TMPRSS11D: variants seen among roughly 807,000 people sequenced by gnomAD.
The protein encoded by TMPRSS11D is transmembrane protease serine 11D.
A neutral mutation model predicts 44.4 loss-of-function variants in TMPRSS11D; 32 were observed. The ratio of observed to expected loss-of-function variants is 0.72; its 90% CI spans 0.54 to 0.97. The LOEUF is 0.97. TMPRSS11D is among the 50% of genes least tolerant of loss of function. The probability of loss-of-function intolerance (pLI) is 0.00; values close to 1 mark genes in which losing one functional copy is unlikely to be tolerated. For missense variants in TMPRSS11D, 446 were observed against 502.6 expected (o/e 0.89, Z 1.08); for synonymous variants, 179 against 177.9 (o/e 1.01, Z -0.05).
intron 1 of TMPRSS11D, chr4:67,860,387 C>G (rs563163414): frequency 1.3e-5 from 2 of 152,084 alleles, no homozygotes; most frequent in South Asian, 2.1e-4. Context: ...CCAGTTTTAC[C>G]CTTTGTTTGC....
At position 67,833,370 on chromosome 4, in the gene TMPRSS11D, C is replaced by T. The variant is rs376245737; in HGVS notation, c.526G>A (p.Gly176Ser). ...TCAGACAATGTTATTAGGTCTGGACCGGCCCCACATTCTAATGAGAAAGGG... is the reference window on the plus strand; with the variant it reads ...TCAGACAATGTTATTAGGTCTGGACTGGCCCCACATTCTAATGAGAAAGGG... ...ANWLINECGA[G>S]PDLITLSEQR... The change falls in exon 7 of 10, where the codon GGT becomes AGT. Residue 176 changes from glycine (G) to serine (S), a missense_variant. Transcript: ENST00000283916. 159 of 1,517,708 alleles carry T rather than the reference C, an allele frequency of 1.0e-4. No homozygotes were observed. The highest frequency in any genetic ancestry group is 1.8e-4 in the Middle Eastern group (1 of 5,674). 94.0% of individuals were successfully genotyped at this position (1,517,708 alleles called of 1,614,324 possible).
chr4:67,827,743 G>A (rs761877094), intron 7 of TMPRSS11D, among the ~76,000 whole-genome samples: 1 of 152,062 alleles, frequency 6.6e-6, no homozygotes, highest in South Asian at 2.1e-4. Context: ...AAAACATATC[G>A]TGGGGTGATC....
intron 8 of TMPRSS11D, among the ~76,000 whole-genome samples, chr4:67,826,847 G>A (rs1654361868): frequency 6.6e-6 from 1 of 151,796 alleles, no homozygotes; most frequent in South Asian, 2.1e-4. Context: ...GATTTCTTAA[G>A]ACCAGAGTTT....
chr4:67,878,307 T>C (rs1325215820), intron 1 of TMPRSS11D, among the ~76,000 whole-genome samples: 1 of 152,238 alleles, frequency 6.6e-6, no homozygotes, highest in African/African-American at 2.4e-5. Flanking sequence ...TGTTAATCAC[T>C]GGAACAGTTG....
intron 4 of TMPRSS11D, among the ~76,000 whole-genome samples, chr4:67,839,251 A>G (rs1718175475): frequency 6.6e-6 from 1 of 152,148 alleles, no homozygotes; most frequent in Non-Finnish European, 1.5e-5. Context: ...AGCTGGGACT[A>G]AGATTCACAG....
intron 1 of TMPRSS11D, among the ~76,000 whole-genome samples, chr4:67,862,022 C>A (rs959333757): frequency 2.6e-5 from 4 of 152,096 alleles, no homozygotes; most frequent in African/African-American, 9.7e-5. Flanking sequence ...GCTTTTAAAG[C>A]AGGGTCTTGG....
chr4:67,850,180 T>C lies in TMPRSS11D; in HGVS notation c.249+3888A>G, dbSNP rs147844217. On this transcript the variant is annotated intron_variant, in intron 3 of 9. Coordinates refer to ENST00000283916, the MANE Select transcript of TMPRSS11D (RefSeq NM_004262.3). Reference sequence around the variant, plus strand: ...ACAGAAAAAAAGACAAAGAAGGATTTAGTGTATGATAAAGGTGACATGACA... The same window carrying C: ...ACAGAAAAAAAGACAAAGAAGGATTCAGTGTATGATAAAGGTGACATGACA... 3.1e-3 allele frequency among the ~76,000 whole-genome samples: 479 copies of C among 152,272 alleles called. 4 individuals are homozygous for C. The highest frequency in any genetic ancestry group is 0.011 in the African/African-American group (459 of 41,558).
Position 67,838,272 on chromosome 4 carries a change from A to C in TMPRSS11D, c.375T>G (p.Asn125Lys). 1 of 1,600,762 alleles carries C rather than the reference A, an allele frequency of 6.2e-7. No individual in the cohort carries two copies. Residue 125 changes from asparagine to lysine, a missense_variant, in exon 5 of 10, where the codon AAT becomes AAG. Coordinates refer to ENST00000283916, the MANE Select transcript of TMPRSS11D (RefSeq NM_004262.3). ...TGCTTTTCATTGATGCTCCATTGTTATTTCTAGTGAATTGAAATTTCATGA... is the reference window on the plus strand; with the variant it reads ...TGCTTTTCATTGATGCTCCATTGTTCTTTCTAGTGAATTGAAATTTCATGA... Reference protein sequence around the residue: ...DVVMKFQFTRNNNGASMKSRI... With the variant: ...DVVMKFQFTRKNNGASMKSRI...
chr4:67,874,069 TA>T (rs1398182907), intron 1 of TMPRSS11D, among the ~76,000 whole-genome samples: 1 of 152,180 alleles, frequency 6.6e-6, no homozygotes, highest in African/African-American at 2.4e-5. Context: ...CAGATATGTG[TA>T]GATACACAAA....
chr4:67,848,022 G>A (rs532712994), intron 3 of TMPRSS11D, among the ~76,000 whole-genome samples: 1 of 152,286 alleles, frequency 6.6e-6, no homozygotes, highest in South Asian at 2.1e-4. Context: ...CTTGTTAAAT[G>A]GATGTGCCTG....
At chr4:67,850,538 G>A (rs1718477941) in intron 3 of TMPRSS11D, among the ~76,000 whole-genome samples, 1 of 152,196 alleles carries the variant, frequency 6.6e-6, no homozygotes, top group Non-Finnish European at 1.5e-5. Context: ...GGCTCCTGCA[G>A]AGGGAGGAAA....
At chr4:67,860,076 G>C (rs1718758089) in intron 1 of TMPRSS11D, among the ~76,000 whole-genome samples, 1 of 152,052 alleles carries the variant, frequency 6.6e-6, no homozygotes, top group African/African-American at 2.4e-5. Flanking sequence ...CATCCCCAAG[G>C]CTGTACTGAA....
chr4:67,844,571 C>T (rs542231317), intron 3 of TMPRSS11D, among the ~76,000 whole-genome samples: 128 of 151,896 alleles, frequency 8.4e-4, no homozygotes, highest in African/African-American at 2.9e-3. Flanking sequence ...GTCAGGAGTT[C>T]GAGACCAGTC....
At chr4:67,875,258 A>C (rs1719158146) in intron 1 of TMPRSS11D, among the ~76,000 whole-genome samples, 2 of 152,232 alleles carry the variant, frequency 1.3e-5, no homozygotes, top group African/African-American at 4.8e-5. Context: ...GGCAGTATGC[A>C]TACTGGCAGG....
At chr4:67,840,810 C>A (rs998161187) in intron 4 of TMPRSS11D, among the ~76,000 whole-genome samples, 2 of 151,926 alleles carry the variant, frequency 1.3e-5, no homozygotes, top group African/African-American at 4.8e-5. Flanking sequence ...TAGGTACCCC[C>A]AAAAATTAAA....
At chr4:67,882,354 T>C (rs1211887201) in intron 1 of TMPRSS11D, among the ~76,000 whole-genome samples, 2 of 152,226 alleles carry the variant, frequency 1.3e-5, no homozygotes, top group Non-Finnish European at 2.9e-5. Context: ...TAGTAGTAGA[T>C]ACAGGCTATT....
chr4:67,850,069 T>G (rs1470514571), intron 3 of TMPRSS11D, among the ~76,000 whole-genome samples: 1 of 152,190 alleles, frequency 6.6e-6, no homozygotes, highest in Non-Finnish European at 1.5e-5. Flanking sequence ...ATGGAAATCT[T>G]GAAATACTAA....
intron 3 of TMPRSS11D, among the ~76,000 whole-genome samples, chr4:67,843,750 C>T (rs933665127): frequency 2.0e-5 from 3 of 151,966 alleles, no homozygotes; most frequent in Non-Finnish European, 4.4e-5. Context: ...GGTGAAACTC[C>T]GTCTCTACTA....
At chr4:67,831,674 C>A (rs1717950271) in intron 7 of TMPRSS11D, among the ~76,000 whole-genome samples, 1 of 152,064 alleles carries the variant, frequency 6.6e-6, no homozygotes, top group Admixed American at 6.6e-5. Context: ...CGTGCCATTT[C>A]TGCTTTTTGG....
Sources: gnomAD v4.1 joint callset for allele counts (sites outside exome capture counted in the v4.1 genomes callset) on GRCh38, gnomAD v4.1.1 for gene constraint, MANE v1.5 for transcripts, NCBI Gene and HGNC (gene_info 2026-07-23, HGNC 2026-07-21) for gene names.